Variants in TNFAIP8 observed in about 807,000 individuals in gnomAD.
TNFAIP8 encodes the protein tumor necrosis factor alpha-induced protein 8.
TNFAIP8 carries 7 observed loss-of-function variants against 13.3 expected under a neutral mutation model. The ratio of observed to expected loss-of-function variants is 0.52; its 90% CI spans 0.30 to 0.99. The LOEUF is 0.99. TNFAIP8 is among the 50% of genes least tolerant of loss of function. The probability of loss-of-function intolerance (pLI) is 0.07; values close to 1 mark genes in which losing one functional copy is unlikely to be tolerated. For synonymous variants in TNFAIP8, 94 were observed against 87.6 expected (o/e 1.07, Z -0.41); for missense variants, 258 against 236.9 (o/e 1.09, Z -0.58).
At chr5:119,281,284 A>C (rs980930518) in intron 1 of TNFAIP8, among the ~76,000 whole-genome samples, 21 of 53,896 alleles carry the variant, frequency 3.9e-4, no homozygotes, top group Non-Finnish European at 7.0e-4. Flanking sequence ...AAACACACAC[A>C]CATACACACA....
chr5:119,372,791 C>G (rs1001381637), intron 1 of TNFAIP8, among the ~76,000 whole-genome samples: 5 of 152,110 alleles, frequency 3.3e-5, no homozygotes, highest in African/African-American at 1.2e-4. Flanking sequence ...GAAACCCCAT[C>G]TCTCCTAAAA....
chr5:119,332,583 C>T (rs1038783612), intron 1 of TNFAIP8, among the ~76,000 whole-genome samples: 1 of 152,110 alleles, frequency 6.6e-6, no homozygotes, highest in Admixed American at 6.5e-5. Flanking sequence ...AATATAAGGA[C>T]AGCTGTGATA....
intron 1 of TNFAIP8, among the ~76,000 whole-genome samples, chr5:119,284,884 T>G (rs1748730982): frequency 6.6e-6 from 1 of 152,208 alleles, no homozygotes; most frequent in Admixed American, 6.5e-5. Flanking sequence ...GAAACTTAAA[T>G]GTGCCAATTT....
At chr5:119,304,158 G>T (rs573278954) in intron 1 of TNFAIP8, among the ~76,000 whole-genome samples, 1 of 151,912 alleles carries the variant, frequency 6.6e-6, no homozygotes, top group Non-Finnish European at 1.5e-5. Flanking sequence ...TTGCTCTGTT[G>T]CCCAGGCTGG....
At position 119,394,128 on chromosome 5, in the gene TNFAIP8, C is replaced by T. The variant is rs1310951597; in HGVS notation, c.*747C>T. 1 of 152,090 alleles carries T rather than the reference C, an allele frequency of 6.6e-6. No homozygotes were observed. Among genetic ancestry groups the T allele is most frequent in the East Asian group, 1.9e-4 (1 of 5,196 alleles). The allele number at this position is 152,090 out of a possible 1,614,324, so 9.4% of individuals were successfully genotyped here. ...TTCTTTTATGTTATCTTAAAAAGTGCTGGTGAATTTTCCATTTTTTACATC... is the reference window on the plus strand; with the variant it reads ...TTCTTTTATGTTATCTTAAAAAGTGTTGGTGAATTTTCCATTTTTTACATC... On this transcript the variant is annotated 3_prime_UTR_variant, in exon 2 of 2. Transcript: ENST00000504771.
At chr5:119,346,935 G>A (rs775619844) in intron 1 of TNFAIP8, among the ~76,000 whole-genome samples, 2 of 152,174 alleles carry the variant, frequency 1.3e-5, no homozygotes, top group East Asian at 1.9e-4. Flanking sequence ...TTAAGACTAC[G>A]AGTAATGTGT....
chr5:119,384,152 T>C (rs1290105311), intron 1 of TNFAIP8, among the ~76,000 whole-genome samples: 2 of 152,180 alleles, frequency 1.3e-5, no homozygotes, highest in African/African-American at 4.8e-5. Flanking sequence ...AAAATGAGTA[T>C]AATAATAACC....
intron 1 of TNFAIP8, among the ~76,000 whole-genome samples, chr5:119,301,101 G>A (rs564832302): frequency 6.6e-6 from 1 of 152,110 alleles, no homozygotes; most frequent in African/African-American, 2.4e-5. Flanking sequence ...CCCAGCTTCC[G>A]GTCCATTCCT....
chr5:119,383,735 C>T (rs1752571938), intron 1 of TNFAIP8, among the ~76,000 whole-genome samples: 1 of 152,216 alleles, frequency 6.6e-6, no homozygotes, highest in Non-Finnish European at 1.5e-5. Flanking sequence ...AGGGTCAGAA[C>T]TGCAGTGGGT....
At chr5:119,302,355 C>T (rs1425976974) in intron 1 of TNFAIP8, among the ~76,000 whole-genome samples, 1 of 152,160 alleles carries the variant, frequency 6.6e-6, no homozygotes, top group African/African-American at 2.4e-5. Context: ...AAAATGATTT[C>T]TAGAGAACAC....
At chr5:119,279,774 C>T (rs1482839113) in intron 1 of TNFAIP8, among the ~76,000 whole-genome samples, 2 of 152,084 alleles carry the variant, frequency 1.3e-5, no homozygotes, top group African/African-American at 4.8e-5. Context: ...ATTGAGATTG[C>T]TCTTGAGGTA....
At chr5:119,316,591 T>G (rs1222604549) in intron 1 of TNFAIP8, among the ~76,000 whole-genome samples, 1 of 152,198 alleles carries the variant, frequency 6.6e-6, no homozygotes, top group East Asian at 1.9e-4. Context: ...ATGGTATTGA[T>G]AAACTCTAAG....
At chr5:119,376,092 A>T (rs1752269185) in intron 1 of TNFAIP8, among the ~76,000 whole-genome samples, 1 of 152,022 alleles carries the variant, frequency 6.6e-6, no homozygotes, top group Non-Finnish European at 1.5e-5. Context: ...AAAATGAAAA[A>T]ATATATATAA....
At chr5:119,291,427 G>A (rs760722732) in intron 1 of TNFAIP8, among the ~76,000 whole-genome samples, 7 of 152,228 alleles carry the variant, frequency 4.6e-5, no homozygotes, top group Non-Finnish European at 1.0e-4. Flanking sequence ...ATTTACGTAA[G>A]TGGAAAAAAG....
At chr5:119,344,744 T>C (rs929226703) in intron 1 of TNFAIP8, among the ~76,000 whole-genome samples, 1 of 152,102 alleles carries the variant, frequency 6.6e-6, no homozygotes, top group Non-Finnish European at 1.5e-5. Flanking sequence ...AGGAAACATT[T>C]TGATGTGAGA....
rs1753147576 is a variant in TNFAIP8 at position 119,399,501 on chromosome 5, A to C, written c.*6120A>C. The C allele has an allele frequency of 6.6e-6, 1 of 152,192 alleles. No individual in the cohort carries two copies. The highest frequency in any genetic ancestry group is 2.1e-4 in the South Asian group (1 of 4,826). 9.4% of individuals were successfully genotyped at this position (152,192 alleles called of 1,614,324 possible). A position where few individuals can be genotyped will look rare whatever the true frequency, so the allele number is the denominator to read the frequency against. ...AGCGATGAAAAGAAGACTGAGTCTA[A>C]AATAAATGAAGCAACAGACTTCAGC... On this transcript the variant is annotated 3_prime_UTR_variant, in exon 2 of 2. Coordinates refer to ENST00000504771, the MANE Select transcript of TNFAIP8 (RefSeq NM_014350.4).
At chr5:119,291,913 G>C (rs935785985) in intron 1 of TNFAIP8, among the ~76,000 whole-genome samples, 2 of 152,142 alleles carry the variant, frequency 1.3e-5, no homozygotes, top group African/African-American at 4.8e-5. Context: ...ATAAACCTTG[G>C]AGACATCTGT....
chr5:119,321,133 T>C (rs1316285085), intron 1 of TNFAIP8, among the ~76,000 whole-genome samples: 1 of 151,972 alleles, frequency 6.6e-6, no homozygotes. Flanking sequence ...AGGAGAATGG[T>C]GTGCACCCGG....
In TNFAIP8 at chr5:119,322,340, T is replaced by G. The variant is rs199561919; in HGVS notation, c.1+53433T>G. Among the ~76,000 whole-genome samples the G allele has an allele frequency of 2.9e-4, 44 of 152,172 alleles. 1 individual carries two copies. The East Asian group carries it at 7.9e-3, about 27-fold the overall frequency. ...TGGCTGAATGATGAAGTGCTACTCCTTGAGGAGTGGTCCCAGGACCTTGGC... is the reference window on the plus strand; with the variant it reads ...TGGCTGAATGATGAAGTGCTACTCCGTGAGGAGTGGTCCCAGGACCTTGGC... On this transcript the variant is annotated intron_variant, in intron 1 of 1. Coordinates refer to the TNFAIP8 transcript ENST00000274456.
Sources: gnomAD v4.1 joint callset for allele counts (sites outside exome capture counted in the v4.1 genomes callset) on GRCh38, gnomAD v4.1.1 for gene constraint, MANE v1.5 for transcripts, NCBI Gene and HGNC (gene_info 2026-07-23, HGNC 2026-07-21) for gene names.